FCRL4: variants seen among roughly 807,000 people sequenced by gnomAD.
FCRL4 encodes the protein Fc receptor-like protein 4.
FCRL4 carries 43 observed loss-of-function variants against 64.1 expected under a neutral mutation model. The ratio of observed to expected loss-of-function variants is 0.67; its 90% CI spans 0.53 to 0.87. The LOEUF (loss-of-function observed/expected upper bound fraction) is 0.87. Among genes scored for constraint, FCRL4 ranks in the 40% least tolerant of loss-of-function variants. The probability of loss-of-function intolerance (pLI) is 0.00; values close to 1 mark genes in which losing one functional copy is unlikely to be tolerated. For synonymous variants in FCRL4, 253 were observed against 239.8 expected, an observed-to-expected ratio of 1.05 and a Z score of -0.51; for missense variants, 656 against 613.5, an observed-to-expected ratio of 1.07 and a Z score of -0.73.
At chr1:157,584,865 T>C (rs1335626904) in intron 6 of FCRL4, among the ~76,000 whole-genome samples, 1 of 151,612 alleles carries the variant, frequency 6.6e-6, no homozygotes, top group Non-Finnish European at 1.5e-5. Flanking sequence ...GTCCCCAAAA[T>C]TTAGAAGTTG....
chr1:157,578,680 T>G, intron 9 of FCRL4, 90 bp downstream of exon 9: 1 of 1,441,884 alleles, frequency 6.9e-7, no homozygotes, highest in Non-Finnish European at 9.7e-7. Flanking sequence ...TGGGACACTT[T>G]AGGGAGTCCA....
chr1:157,590,368 T>A (rs1652811258), intron 2 of FCRL4, among the ~76,000 whole-genome samples: 1 of 152,134 alleles, frequency 6.6e-6, no homozygotes, highest in African/African-American at 2.4e-5. Flanking sequence ...GCTTAAAAAC[T>A]TTCAGATTTT....
At chr1:157,575,862 C>G in intron 10 of FCRL4, 132 bp from the exon 11 acceptor site, 2 of 817,138 alleles carry the variant, frequency 2.4e-6, no homozygotes, top group Non-Finnish European at 4.3e-6. Context: ...CATCCCCTAA[C>G]ATGTCCTGCA....
chr1:157,575,867 C>T, intron 10 of FCRL4, 137 bp from the exon 11 acceptor site: 1 of 794,986 alleles, frequency 1.3e-6, no homozygotes, highest in Non-Finnish European at 2.2e-6. Flanking sequence ...CCTAACATGT[C>T]CTGCAATACA....
chr1:157,577,364 A>G (rs773744985), intron 10 of FCRL4, among the ~76,000 whole-genome samples: 1 of 152,240 alleles, frequency 6.6e-6, no homozygotes, highest in African/African-American at 2.4e-5. Context: ...AAAGATCTCA[A>G]TTTGTTAGTG....
At chr1:157,578,744 A>G in intron 9 of FCRL4, 26 bp downstream of exon 9, 1 of 1,609,412 alleles carries the variant, frequency 6.2e-7, no homozygotes. Context: ...GAGGCCAGGA[A>G]CAGCTTCCTA....
At position 157,575,717 on chromosome 1, in the gene FCRL4, C is replaced by T. The variant is rs1652388499; in HGVS notation, c.1443G>A (p.Arg481=). ...AACTCACCTTATCCTCTAGAAGTGTCCTGGAGGTATTAGCTGTGGACAGAA... is the reference window on the plus strand; with the variant it reads ...AACTCACCTTATCCTCTAGAAGTGTTCTGGAGGTATTAGCTGTGGACAGAA... ...LGEEEEANTS[R]TLLEDKDVSV... Residue 481 remains arginine, a synonymous_variant, in exon 11 of 12, where the codon AGG becomes AGA. Coordinates refer to ENST00000271532, the MANE Select transcript of FCRL4 (RefSeq NM_031282.3). 6.2e-7 allele frequency: 1 copy of T among 1,613,600 alleles called. No homozygotes were observed. The highest frequency in any genetic ancestry group is 8.5e-7 in the Non-Finnish European group (1 of 1,179,778).
chr1:157,577,121 G>T (rs1174497666), intron 10 of FCRL4, among the ~76,000 whole-genome samples: 1 of 152,134 alleles, frequency 6.6e-6, no homozygotes, highest in Non-Finnish European at 1.5e-5. Flanking sequence ...TGGTTGAAGC[G>T]ATGTCTTTAG....
intron 10 of FCRL4, 100 bp from the exon 11 acceptor site, chr1:157,575,830 GTCCACCTCATCCCC>G (rs1354446730): frequency 3.8e-6 from 4 of 1,049,604 alleles, no homozygotes; most frequent in East Asian, 2.4e-5. Context: ...ACTGGGCCCT[GTCCACCTCATCCCC>G]TCCACCTCAT....
Position 157,583,551 on chromosome 1 carries a change from T to A in FCRL4, c.1136-1907A>T, listed in dbSNP as rs80215832. ...CTTCTAAGAAGAAACACCAGAAAGGTTGTGCTGCTCTCTCTCTCTGCCATG... is the reference window on the plus strand; with the variant it reads ...CTTCTAAGAAGAAACACCAGAAAGGATGTGCTGCTCTCTCTCTCTGCCATG... On this transcript the variant is annotated intron_variant, in intron 6 of 11. Coordinates refer to ENST00000271532, the MANE Select transcript of FCRL4 (RefSeq NM_031282.3). 3.0e-3 allele frequency among the ~76,000 whole-genome samples: 461 copies of A among 152,050 alleles called. 2 individuals are homozygous for A. The highest frequency in any genetic ancestry group is 0.011 in the African/African-American group (453 of 41,468).
At chr1:157,588,140 A>G in intron 3 of FCRL4, 21 bp from the exon 4 acceptor site, 1 of 1,579,474 alleles carries the variant, frequency 6.3e-7, no homozygotes. Context: ...CACAGAGAGG[A>G]GATCGTCATT....
rs1272657492 is a variant in FCRL4 at position 157,587,984 on chromosome 1, T to G, written c.443A>C (p.Lys148Thr). 6.2e-7 allele frequency: 1 copy of G among 1,613,262 alleles called. No homozygotes were observed. Among genetic ancestry groups the G allele is most frequent in the African/African-American group, 1.3e-5 (1 of 74,932 alleles). The change falls in exon 4 of 12, where the codon AAA becomes ACA. Residue 148 changes from lysine (K) to threonine (T), a missense_variant. By Grantham distance (78) the Lys-to-Thr change is moderately conservative. Coordinates refer to ENST00000271532, the MANE Select transcript of FCRL4 (RefSeq NM_031282.3). Reference sequence around the variant, plus strand: ...TTGTGGGATAAGAAGATCCCAGCTTTTATTAGAAATGGAAAGAATGTTTCC... The same window carrying G: ...TTGTGGGATAAGAAGATCCCAGCTTGTATTAGAAATGGAAAGAATGTTTCC... The part of the protein sequence containing the change: ...WNGNILSISN[K>T]SWDLLIPQAS...
rs1558155027 is a variant in FCRL4, at chr1:157,585,350, CTTTCTT to C, written c.1135+812_1135+817del. On this transcript the variant is annotated intron_variant, in intron 6 of 11. Transcript: ENST00000271532. ...TCTCTCTTTCTTTCTCTCTCTCTTT[CTTTCTT>C]TCTTTCTTTCTTTCTTTCTTTCTTT... Among the ~76,000 whole-genome samples the C allele has an allele frequency of 4.6e-3, 193 of 41,518 alleles. 3 individuals are homozygous for C. The highest frequency in any genetic ancestry group is 0.016 in the African/African-American group (177 of 10,870). 27.2% of individuals were successfully genotyped at this position (41,518 alleles called of 152,430 possible).
intron 10 of FCRL4, among the ~76,000 whole-genome samples, chr1:157,576,524 G>T (rs1012813490): frequency 3.9e-5 from 6 of 152,196 alleles, no homozygotes; most frequent in African/African-American, 1.4e-4. Flanking sequence ...AACAGGTGAA[G>T]AAACCATTCT....
intron 7 of FCRL4, 88 bp from the exon 8 acceptor site, chr1:157,580,436 A>G: frequency 7.2e-7 from 1 of 1,387,518 alleles, no homozygotes; most frequent in Admixed American, 1.7e-5. Context: ...TAAGAGAGGT[A>G]ATCAAGACAG....
rs970220239 is a variant in FCRL4, at chr1:157,587,643, G to A, written c.563-83C>T. On this transcript the variant is annotated intron_variant, in intron 4 of 11. Coordinates refer to ENST00000271532, the MANE Select transcript of FCRL4 (RefSeq NM_031282.3). ...GACAGGTTTGGATGCTCAGTCCCAG[G>A]AAACTTCAGACACACAGCAAGACAA... 8 of 1,439,282 alleles carry A rather than the reference G, an allele frequency of 5.6e-6. No homozygotes were observed. The East Asian group carries it at 1.6e-4, about 29-fold the overall frequency. The allele number at this position is 1,439,282 out of a possible 1,614,324, so 89.2% of individuals were successfully genotyped here.
chr1:157,589,163 T>C (rs778282870), intron 3 of FCRL4, 41 bp downstream of exon 3: 1 of 1,598,668 alleles, frequency 6.3e-7, no homozygotes, highest in Admixed American at 1.7e-5. Flanking sequence ...GATAAACTGA[T>C]ACCATTTATA....
At chr1:157,576,855 T>C (rs992258503) in intron 10 of FCRL4, among the ~76,000 whole-genome samples, 1 of 152,234 alleles carries the variant, frequency 6.6e-6, no homozygotes, top group Non-Finnish European at 1.5e-5. Flanking sequence ...ACAGAAGACT[T>C]GGTCTTAGCT....
At chr1:157,596,248 G>A in intron 2 of FCRL4, 80 bp downstream of exon 2, 1 of 1,436,968 alleles carries the variant, frequency 7.0e-7, no homozygotes, top group Non-Finnish European at 9.8e-7. Flanking sequence ...GGACAACAGG[G>A]ACTCTTGTAA....
Sources: gnomAD v4.1 joint callset for allele counts (sites outside exome capture counted in the v4.1 genomes callset) on GRCh38, gnomAD v4.1.1 for gene constraint, MANE v1.5 for transcripts, NCBI Gene and HGNC (gene_info 2026-07-23, HGNC 2026-07-21) for gene names.